The following KCP variants were observed in gnomAD, a reference collection of about 807,000 sequenced individuals.
KCP encodes kielin/chordin-like protein.
In KCP, 194 loss-of-function variants were observed where a neutral mutation model predicts 212.7. The ratio of observed to expected loss-of-function variants is 0.91; its 90% CI spans 0.81 to 1.03. The LOEUF (loss-of-function observed/expected upper bound fraction) is 1.03. KCP is among the 50% of genes least tolerant of loss of function. The pLI, the probability that KCP is intolerant of heterozygous loss-of-function variation, is 0.00. For synonymous variants in KCP, 833 were observed against 865.3 expected, an observed-to-expected ratio of 0.96 and a Z score of 0.65; for missense variants, 2,080 against 2,162.5, an observed-to-expected ratio of 0.96 and a Z score of 0.76.
At chr7:128,896,545 G>A (rs1794534603) in intron 8 of KCP, among the ~76,000 whole-genome samples, 1 of 152,098 alleles carries the variant, frequency 6.6e-6, no homozygotes, top group African/African-American at 2.4e-5. Context: ...GACATGCGGA[G>A]CTTTTTCCTC....
chr7:128,889,062 G>T, intron 21 of KCP, 23 bp from the exon 22 acceptor site: 1 of 1,470,842 alleles, frequency 6.8e-7, no homozygotes. Flanking sequence ...AGACAGAGAG[G>T]CCGAGGGGAG....
intron 11 of KCP, 79 bp downstream of exon 11, chr7:128,893,727 G>A: frequency 4.8e-6 from 7 of 1,445,012 alleles, no homozygotes; most frequent in Non-Finnish European, 4.7e-6. Flanking sequence ...TTAGGTCCAA[G>A]AGAAGCAAAT....
chr7:128,891,023 G>A lies in KCP; in HGVS notation c.2046C>T (p.Pro682=). ...HARHQEYFSP[P]GDPCRRCLCL... Reference sequence around the variant, plus strand: ...AGAGGCAGCGGCGGCAGGGATCGCCGGGCGGGGAGAAGTACTCCTGGTGGC... The same window carrying A: ...AGAGGCAGCGGCGGCAGGGATCGCCAGGCGGGGAGAAGTACTCCTGGTGGC... Residue 682 remains proline, a synonymous_variant, in exon 20 of 40, where the codon CCC becomes CCT. Transcript: ENST00000610776. The A allele has an allele frequency of 3.7e-6, 5 of 1,345,834 alleles. No individual in the cohort carries two copies. The highest frequency in any genetic ancestry group is 1.5e-5 in the African/African-American group (1 of 64,776). The allele number at this position is 1,345,834 out of a possible 1,614,324, so 83.4% of individuals were successfully genotyped here.
At chr7:128,909,835 G>C (rs1053058789) in intron 1 of KCP, among the ~76,000 whole-genome samples, 1 of 152,136 alleles carries the variant, frequency 6.6e-6, no homozygotes, top group South Asian at 2.1e-4. Flanking sequence ...CAAACCCCAG[G>C]TGCCCTTTCC....
intron 26 of KCP, among the ~76,000 whole-genome samples, chr7:128,885,897 AAG>A (rs1337271034): frequency 7.3e-6 from 1 of 137,928 alleles, no homozygotes; most frequent in African/African-American, 3.1e-5. Flanking sequence ...TAGGAGGACT[AAG>A]AGTGCTTATC....
Position 128,886,714 on chromosome 7 carries a change from G to C in KCP, c.2713C>G (p.His905Asp), listed in dbSNP as rs746815763. ...CCCTCAAACTCCTCCCCATCCTGGT[G>C]CTCCCGGCCCTGAGAGAGACAGCCT... is the stretch of plus-strand genomic sequence containing the variant. ...CHSCLSQGRE[H>D]QDGEEFEGPA... Residue 905 changes from histidine (H) to aspartate (D), a missense_variant, in exon 25 of 40, where the codon CAC becomes GAC. Physicochemically the swap from His to Asp is moderately conservative, Grantham distance 81. Coordinates refer to ENST00000610776, the MANE Select transcript of KCP (RefSeq NM_001366122.1). The C allele has an allele frequency of 4.8e-5, 74 of 1,551,616 alleles. No individual in the cohort carries two copies. Among genetic ancestry groups the C allele is most frequent in the Non-Finnish European group, 6.2e-5 (71 of 1,146,922 alleles).
rs1465483205 is a variant in KCP at position 128,902,874 on chromosome 7, T to C, written c.749-15A>G. The C allele has an allele frequency of 6.5e-6, 10 of 1,548,182 alleles. No individual in the cohort carries two copies. The highest frequency in any genetic ancestry group is 8.7e-6 in the Non-Finnish European group (10 of 1,144,338). ...TTCTGTGCAGCCTAGGGTTGAGGGG[T>C]TGAGAAGAGGGAGGCCTGGTGGGAG... On this transcript the variant is annotated splice_polypyrimidine_tract_variant and intron_variant, in intron 7 of 39. Coordinates refer to ENST00000610776, the MANE Select transcript of KCP (RefSeq NM_001366122.1).
chr7:128,883,702 C>A (rs984634456), intron 29 of KCP, among the ~76,000 whole-genome samples: 2 of 152,228 alleles, frequency 1.3e-5, no homozygotes, highest in Non-Finnish European at 2.9e-5. Flanking sequence ...CTCGCCCACC[C>A]CTGTGGCTGG....
intron 38 of KCP, among the ~76,000 whole-genome samples, chr7:128,878,185 T>A (rs753098101): frequency 2.0e-4 from 31 of 151,710 alleles, no homozygotes; most frequent in Non-Finnish European, 3.8e-4. Context: ...GCCACCCGAG[T>A]AGCTGGGATT....
At chr7:128,907,635 C>T (rs1795195125) in intron 2 of KCP, among the ~76,000 whole-genome samples, 182 bp from the exon 3 acceptor site, 1 of 152,230 alleles carries the variant, frequency 6.6e-6, no homozygotes, top group South Asian at 2.1e-4. Flanking sequence ...GCACGGGCCC[C>T]AATCTCTCCT....
chr7:128,881,186 G>A (rs9656375), intron 31 of KCP, 101 bp from the exon 32 acceptor site: 113,954 of 398,400 alleles, frequency 0.29, 18,699 homozygotes, highest in African/African-American at 0.51. Flanking sequence ...CACCCACTCC[G>A]TGTCCCTACC....
At chr7:128,879,192 C>T (rs563240175) in intron 37 of KCP, 43 of 411,126 alleles carry the variant, frequency 1.0e-4, no homozygotes, top group Admixed American at 8.5e-4. Flanking sequence ...GAGACACCCC[C>T]CCAGGAGACT....
chr7:128,909,551 C>T (rs55724009), intron 1 of KCP, among the ~76,000 whole-genome samples: 10,276 of 152,188 alleles, frequency 0.068, 1,112 homozygotes, highest in African/African-American at 0.22. Context: ...TGGGGCTCAG[C>T]TCCCCTATTT....
At chr7:128,907,668 C>A (rs190793582) in intron 2 of KCP, among the ~76,000 whole-genome samples, 2 of 152,230 alleles carry the variant, frequency 1.3e-5, no homozygotes, top group Admixed American at 1.3e-4. Flanking sequence ...GGGACCCAAC[C>A]CTTGCCCCAA....
chr7:128,906,920 C>T (rs1795149949), intron 4 of KCP, among the ~76,000 whole-genome samples, 181 bp downstream of exon 4: 1 of 152,176 alleles, frequency 6.6e-6, no homozygotes, highest in Non-Finnish European at 1.5e-5. Context: ...TGGGGACCCC[C>T]CAGTGTCCGT....
chr7:128,884,758 C>T, intron 28 of KCP, 23 bp downstream of exon 28: 1 of 1,549,940 alleles, frequency 6.5e-7, no homozygotes, highest in Admixed American at 2.0e-5. Flanking sequence ...GTGCCCCAGC[C>T]CCACCACTGT....
intron 8 of KCP, among the ~76,000 whole-genome samples, chr7:128,895,769 G>C (rs144527860): frequency 4.9e-4 from 75 of 152,308 alleles, no homozygotes; most frequent in African/African-American, 1.8e-3. Flanking sequence ...TCAGTGCCAA[G>C]ACAGTTTACA....
chr7:128,902,669 T>C (rs1585249904), intron 8 of KCP, 108 bp downstream of exon 8: 3 of 1,024,440 alleles, frequency 2.9e-6, no homozygotes, highest in East Asian at 5.2e-5. Context: ...TCTTCTCCAC[T>C]GGGTCCCCTC....
Position 128,889,053 on chromosome 7 carries a change from G to C in KCP, c.2336-14C>G. On this transcript the variant is annotated splice_polypyrimidine_tract_variant and intron_variant, in intron 21 of 39. Coordinates refer to ENST00000610776, the MANE Select transcript of KCP (RefSeq NM_001366122.1). ...GGTACTCACAGCCTTTCAGAGAAGA[G>C]ACAGAGAGGCCGAGGGGAGGGACAG... is the stretch of plus-strand genomic sequence containing the variant. 1 of 1,483,770 alleles carries C rather than the reference G, an allele frequency of 6.7e-7. No individual in the cohort carries two copies. Among genetic ancestry groups the C allele is most frequent in the Non-Finnish European group, 9.0e-7 (1 of 1,111,592 alleles). The allele number at this position is 1,483,770 out of a possible 1,614,324, so 91.9% of individuals were successfully genotyped here. A position where few individuals can be genotyped will look rare whatever the true frequency, so the allele number is the denominator to read the frequency against.
Sources: allele counts gnomAD v4.1 joint callset (sites outside exome capture counted in the v4.1 genomes callset), GRCh38; gene constraint gnomAD v4.1.1; transcripts MANE v1.5; gene names NCBI Gene and HGNC (gene_info 2026-07-23, HGNC 2026-07-21).